The following TET1 variants were observed in gnomAD, a reference collection of about 807,000 sequenced individuals.
TET1 encodes methylcytosine dioxygenase TET1.
Under a neutral mutation model 148.7 loss-of-function variants are expected in TET1, and 13 were observed. The observed-to-expected ratio is 0.09, with a 90% CI of 0.06 to 0.14. The LOEUF is 0.14. Among genes scored for constraint, TET1 ranks in the 10% least tolerant of loss-of-function variants. The pLI, the probability that TET1 is intolerant of heterozygous loss-of-function variation, is 1.00. For synonymous variants in TET1, 907 were observed against 937.2 expected (o/e 0.97, Z 0.59); for missense variants, 2,182 against 2,553.8 (o/e 0.85, Z 3.14).
At chr10:68,688,374 C>T (rs1475926327) in intron 11 of TET1, among the ~76,000 whole-genome samples, 5 of 151,184 alleles carry the variant, frequency 3.3e-5, no homozygotes, top group African/African-American at 1.2e-4. Flanking sequence ...GTGAGAGCCA[C>T]CACGCCCGGC....
In TET1 at chr10:68,595,648, A is replaced by G. The variant is rs12266351; in HGVS notation, c.1915-5333A>G. On this transcript the variant is annotated intron_variant, in intron 2 of 11. Transcript: ENST00000373644. Reference sequence around the variant, plus strand: ...TTTTTTTTTTTTGAGGTGTAGTCTCATTATGTCACCCAGGCTGGAGTGCGG... The same window carrying G: ...TTTTTTTTTTTTGAGGTGTAGTCTCGTTATGTCACCCAGGCTGGAGTGCGG... 4.1e-3 allele frequency among the ~76,000 whole-genome samples: 401 copies of G among 98,706 alleles called. 3 individuals are homozygous for G. Among genetic ancestry groups the G allele is most frequent in the African/African-American group, 0.015 (385 of 25,718 alleles). 64.8% of individuals were successfully genotyped at this position (98,706 alleles called of 152,430 possible).
chr10:68,574,884 T>A (rs1477580470), intron 2 of TET1, among the ~76,000 whole-genome samples: 1 of 152,218 alleles, frequency 6.6e-6, no homozygotes, highest in Non-Finnish European at 1.5e-5. Flanking sequence ...GTTCTTATTA[T>A]AGTTTATGAA....
chr10:68,692,176 T>TA lies in TET1; in HGVS notation c.*366dup, dbSNP rs1437114830. On this transcript the variant is annotated 3_prime_UTR_variant, in exon 12 of 12. Transcript: ENST00000373644. ...TTTAACAGGTTCATGTTCTATGATG[T>TA]AAAATCAAGACACACAGTGTTAACT... 3.6e-6 allele frequency: 1 copy of TA among 276,368 alleles called. No homozygotes were observed. Among genetic ancestry groups the TA allele is most frequent in the African/African-American group, 2.2e-5 (1 of 46,474 alleles). 17.1% of individuals were successfully genotyped at this position (276,368 alleles called of 1,614,324 possible).
chr10:68,599,100 A>T (rs2054022175), intron 2 of TET1, among the ~76,000 whole-genome samples: 1 of 152,208 alleles, frequency 6.6e-6, no homozygotes, highest in Non-Finnish European at 1.5e-5. Flanking sequence ...CCAACACGGA[A>T]AGCATGCTTT....
chr10:68,645,790 A>G lies in TET1; in HGVS notation c.3061A>G (p.Ile1021Val). Residue 1021 changes from isoleucine (I) to valine (V), a missense_variant, in exon 4 of 12, where the codon ATT becomes GTT. Around this residue, in one of 11 missense-constraint regions of TET1, gnomAD observed 582 missense variants for 599.5 expected, o/e 0.97. Coordinates refer to ENST00000373644, the MANE Select transcript of TET1 (RefSeq NM_030625.3). ...ATCCAAGATTGACACCAATAAAAGT[A>G]TTGCTCAAGGGATAATTACTCTTGA... Reference protein sequence around the residue: ...NSSKIDTNKSIAQGIITLDNC... With the variant: ...NSSKIDTNKSVAQGIITLDNC... 1 of 1,614,130 alleles carries G rather than the reference A, an allele frequency of 6.2e-7. No individual in the cohort carries two copies. The highest frequency in any genetic ancestry group is 1.1e-5 in the South Asian group (1 of 91,072).
chr10:68,651,285 TAAA>T (rs567695559), intron 4 of TET1, among the ~76,000 whole-genome samples: 17 of 151,674 alleles, frequency 1.1e-4, no homozygotes, highest in Non-Finnish European at 1.9e-4. Context: ...CCGTCTCTAC[TAAA>T]AAATACAAAA....
intron 1 of TET1, among the ~76,000 whole-genome samples, chr10:68,561,678 CT>C: frequency 6.6e-6 from 1 of 151,696 alleles, no homozygotes; most frequent in Non-Finnish European, 1.5e-5. Flanking sequence ...GCTCTCCTCT[CT>C]CTCTGTGCTT....
At chr10:68,575,253 G>A (rs550463939) in intron 2 of TET1, among the ~76,000 whole-genome samples, 54 of 152,060 alleles carry the variant, frequency 3.6e-4, no homozygotes, top group African/African-American at 1.3e-3. Flanking sequence ...GCGTGGTGGC[G>A]GGTGCCTGTA....
At chr10:68,613,913 G>A (rs1349293416) in intron 3 of TET1, among the ~76,000 whole-genome samples, 1 of 151,360 alleles carries the variant, frequency 6.6e-6, no homozygotes, top group East Asian at 1.9e-4. Context: ...ACTCCAGACT[G>A]GAGGACAAGA....
At chr10:68,644,192 C>A (rs1026724676) in intron 3 of TET1, among the ~76,000 whole-genome samples, 2 of 150,670 alleles carry the variant, frequency 1.3e-5, no homozygotes, top group Non-Finnish European at 3.0e-5. Context: ...CATGAGCCAC[C>A]ACCCCTGGCC....
At chr10:68,637,744 C>T (rs553379324) in intron 3 of TET1, among the ~76,000 whole-genome samples, 1 of 151,588 alleles carries the variant, frequency 6.6e-6, no homozygotes, top group East Asian at 2.0e-4. Context: ...TGGTAGGGCA[C>T]ACCTGTAATT....
intron 3 of TET1, among the ~76,000 whole-genome samples, chr10:68,629,540 A>C (rs1330645474): frequency 4.1e-5 from 6 of 147,178 alleles, no homozygotes; most frequent in African/African-American, 1.5e-4. Context: ...ATTATTTTTA[A>C]TTTTTTTTTT....
At chr10:68,566,770 G>C (rs908204403) in intron 1 of TET1, among the ~76,000 whole-genome samples, 3 of 151,400 alleles carry the variant, frequency 2.0e-5, no homozygotes, top group Non-Finnish European at 4.4e-5. Flanking sequence ...AGCAAACTCT[G>C]AGTTAAACTG....
chr10:68,672,535 A>ACCCAGGTTCTTTATTT (rs2055290477), intron 7 of TET1, among the ~76,000 whole-genome samples: 1 of 150,096 alleles, frequency 6.7e-6, no homozygotes, highest in Non-Finnish European at 1.5e-5. Flanking sequence ...AAAAAGAAAA[A>ACCCAGGTTCTTTATTT]CCCAGGTTCT....
chr10:68,569,061 C>T (rs1436956097), intron 1 of TET1, among the ~76,000 whole-genome samples: 1 of 151,672 alleles, frequency 6.6e-6, no homozygotes, highest in Non-Finnish European at 1.5e-5. Context: ...ATACTGTCTC[C>T]TGAGATTTTA....
chr10:68,631,430 CTTCT>C (rs2054568102), intron 3 of TET1, among the ~76,000 whole-genome samples: 1 of 97,724 alleles, frequency 1.0e-5, no homozygotes, highest in Non-Finnish European at 2.0e-5. Flanking sequence ...TGTTTTCTTT[CTTCT>C]TTTTTTTTTT....
intron 6 of TET1, among the ~76,000 whole-genome samples, chr10:68,661,859 A>C (rs192007669): frequency 7.0e-6 from 1 of 142,602 alleles, no homozygotes; most frequent in East Asian, 2.1e-4. Flanking sequence ...TGGGTTTTTT[A>C]ATTTAAAAAA....
chr10:68,676,809 A>G (rs1014070245), intron 8 of TET1, among the ~76,000 whole-genome samples: 23 of 152,234 alleles, frequency 1.5e-4, no homozygotes, highest in Non-Finnish European at 3.4e-4. Context: ...CTGAAACATT[A>G]TAGTTGTGCA....
At chr10:68,626,089 C>CAAAAAAAAAAAAAAAAAAAAAA (rs768111191) in intron 3 of TET1, among the ~76,000 whole-genome samples, 1 of 34,548 alleles carries the variant, frequency 2.9e-5, no homozygotes, top group Non-Finnish European at 6.1e-5. Context: ...GACCCTATCT[C>CAAAAAAAAAAAAAAAAAAAAAA]AAAAAAAAGA....
Sources: allele counts gnomAD v4.1 joint callset (sites outside exome capture counted in the v4.1 genomes callset), GRCh38; gene constraint gnomAD v4.1.1; regional missense constraint gnomAD v4.1.1; transcripts MANE v1.5; gene names NCBI Gene and HGNC (gene_info 2026-07-23, HGNC 2026-07-21).